Variants in VPS13A observed in about 807,000 individuals in gnomAD.
VPS13A encodes the protein vacuolar protein sorting 13 homolog A.
A neutral mutation model predicts 390.9 loss-of-function variants in VPS13A; 264 were observed. That is an observed-to-expected ratio of 0.68 (90% CI 0.61 to 0.75). The LOEUF is 0.75. Among genes scored for constraint, VPS13A ranks in the 30% least tolerant of loss-of-function variants. The pLI is 0.00. For synonymous variants in VPS13A, 1,231 were observed against 1,227.1 expected (o/e 1.00, Z -0.07); for missense variants, 3,409 against 3,733.9 (o/e 0.91, Z 2.27).
chr9:77,370,241 C>T lies in VPS13A; in HGVS notation c.8668-16C>T, dbSNP rs377057967. On this transcript the variant is annotated splice_polypyrimidine_tract_variant and intron_variant, in intron 63 of 71. Transcript: ENST00000360280. Reference sequence around the variant, plus strand: ...TATAACTCACTCACTCATTTATTTACTATTTGGCCCTTTAGGGAGCCATCC... The same window carrying T: ...TATAACTCACTCACTCATTTATTTATTATTTGGCCCTTTAGGGAGCCATCC... 75 of 1,613,580 alleles carry T rather than the reference C, an allele frequency of 4.6e-5. No individual in the cohort carries two copies. The highest frequency in any genetic ancestry group is 6.3e-5 in the Non-Finnish European group (74 of 1,179,712).
chr9:77,288,564 T>G (rs2131361683), intron 31 of VPS13A, among the ~76,000 whole-genome samples: 1 of 152,360 alleles, frequency 6.6e-6, no homozygotes, highest in African/African-American at 2.4e-5. Context: ...TTCTAAATAT[T>G]TTGAGATTTT....
intron 17 of VPS13A, among the ~76,000 whole-genome samples, chr9:77,235,614 T>C (rs1312845418): frequency 6.6e-6 from 1 of 152,188 alleles, no homozygotes; most frequent in African/African-American, 2.4e-5. Context: ...GGCCATTATT[T>C]CTCCCAGTAT....
At chr9:77,213,103 G>A in intron 8 of VPS13A, 75 bp downstream of exon 8, 2 of 1,566,784 alleles carry the variant, frequency 1.3e-6, no homozygotes. Flanking sequence ...ATATAGATAA[G>A]GATGTATGTG....
At chr9:77,353,130 A>C (rs1480607584) in intron 53 of VPS13A, among the ~76,000 whole-genome samples, 1 of 152,086 alleles carries the variant, frequency 6.6e-6, no homozygotes, top group African/African-American at 2.4e-5. Context: ...AGATTAGCCT[A>C]CGTGGGAAGG....
In VPS13A at chr9:77,238,087, GCAATGTCACTTTTC is replaced by G; in HGVS notation, c.1685_1698del (p.Met562AsnfsTer4). On this transcript the variant is annotated frameshift_variant, in exon 18 of 72. Transcript: ENST00000360280. LOFTEE classifies it high-confidence loss of function. ...CCGCCTCCTGTCTTCATTGGATGAT[GCAATGTCACTTTTC>G]CAAATTACATTTGAGATAAATCCAT... is the stretch of plus-strand genomic sequence containing the variant. The G allele has an allele frequency of 6.2e-7, 1 of 1,612,980 alleles. No individual in the cohort carries two copies. The highest frequency in any genetic ancestry group is 8.5e-7 in the Non-Finnish European group (1 of 1,179,282).
intron 68 of VPS13A, chr9:77,395,575 G>C (rs1392989524): frequency 6.6e-6 from 1 of 152,118 alleles, no homozygotes; most frequent in Non-Finnish European, 1.5e-5. Context: ...TTGATGCAGA[G>C]TTGCCATAAA....
chr9:77,294,800 G>T (rs575944306), intron 32 of VPS13A, among the ~76,000 whole-genome samples: 3 of 152,054 alleles, frequency 2.0e-5, no homozygotes, highest in Non-Finnish European at 4.4e-5. Flanking sequence ...AAACTCATGG[G>T]CACAAGCAAA....
chr9:77,243,363 G>A (rs138527544), intron 19 of VPS13A, among the ~76,000 whole-genome samples: 7 of 152,306 alleles, frequency 4.6e-5, no homozygotes, highest in Non-Finnish European at 8.8e-5. Flanking sequence ...TGAGGATCAT[G>A]TTATTGTGGT....
At chr9:77,258,183 A>G (rs1374769468) in intron 22 of VPS13A, among the ~76,000 whole-genome samples, 2 of 152,176 alleles carry the variant, frequency 1.3e-5, no homozygotes, top group African/African-American at 4.8e-5. Context: ...TCCCTTACAA[A>G]TATTCAGACC....
At chr9:77,285,219 T>C (rs141995126) in intron 31 of VPS13A, among the ~76,000 whole-genome samples, 9 of 152,314 alleles carry the variant, frequency 5.9e-5, no homozygotes, top group East Asian at 3.9e-4. Flanking sequence ...TTTGCCCTTA[T>C]GAAATCAGAC....
At position 77,395,315 on chromosome 9, in the gene VPS13A, T is replaced by C. The variant is rs142784760; in HGVS notation, c.9190-7921T>C. Among the ~76,000 whole-genome samples, 537 of 152,222 alleles carry C rather than the reference T, an allele frequency of 3.5e-3. 7 individuals are homozygous for C. The highest frequency in any genetic ancestry group is 0.012 in the African/African-American group (503 of 41,516). ...GGAGGCTCAAGGAGAGGGAGAGGAT[T>C]TGGGAAACGTCCAATCAGTGGGGCA... On this transcript the variant is annotated intron_variant, in intron 68 of 71. Coordinates refer to ENST00000360280, the MANE Select transcript of VPS13A (RefSeq NM_033305.3).
At chr9:77,312,809 A>T (rs1829165358) in intron 35 of VPS13A, among the ~76,000 whole-genome samples, 1 of 152,152 alleles carries the variant, frequency 6.6e-6, no homozygotes. Flanking sequence ...AGAATGTGGA[A>T]CAGCTGCAAT....
chr9:77,262,785 A>T (rs1350339966), intron 23 of VPS13A, among the ~76,000 whole-genome samples: 1 of 152,126 alleles, frequency 6.6e-6, no homozygotes, highest in African/African-American at 2.4e-5. Context: ...ATGGCTGCAT[A>T]GTAGTCTATG....
At chr9:77,337,928 A>G (rs1830621227) in intron 47 of VPS13A, 1 of 163,152 alleles carries the variant, frequency 6.1e-6, no homozygotes, top group Middle Eastern at 3.1e-3. Flanking sequence ...GTAGTTCTTC[A>G]TTGTCATCTA....
At chr9:77,358,640 G>T (rs1831952407) in intron 57 of VPS13A, among the ~76,000 whole-genome samples, 1 of 152,136 alleles carries the variant, frequency 6.6e-6, no homozygotes, top group Non-Finnish European at 1.5e-5. Context: ...AGAAAAGATT[G>T]ATTAGAAACA....
At chr9:77,227,284 A>C (rs1339821145) in intron 15 of VPS13A, 107 bp from the exon 16 acceptor site, 5 of 799,548 alleles carry the variant, frequency 6.3e-6, no homozygotes, top group Non-Finnish European at 6.2e-6. Context: ...ATTTCTTAAG[A>C]GCGTTCAAGA....
Position 77,321,630 on chromosome 9 carries a change from A to G in VPS13A, c.5714A>G (p.Lys1905Arg). The change falls in exon 44 of 72, where the codon AAA (lysine) becomes AGA (arginine). Residue 1905 changes from lysine to arginine, a missense_variant. Around this residue, in one of 5 missense-constraint regions of VPS13A, gnomAD observed 2,717 missense variants for 2,917.4 expected, o/e 0.93. Transcript: ENST00000360280. ...AGTGTACTCAACATTCCTATGGCAA[A>G]ATCATATGTATTGAAAAATGGAGAA... ...SFSVLNIPMA[K>R]SYVLKNGESL... The G allele has an allele frequency of 3.1e-6, 5 of 1,613,400 alleles. No individual in the cohort carries two copies. Among genetic ancestry groups the G allele is most frequent in the Non-Finnish European group, 4.2e-6 (5 of 1,179,590 alleles).
chr9:77,215,117 G>A (rs1326641681), intron 10 of VPS13A, among the ~76,000 whole-genome samples: 1 of 152,170 alleles, frequency 6.6e-6, no homozygotes, highest in Non-Finnish European at 1.5e-5. Flanking sequence ...TCCAGCCTGG[G>A]TGACAGAGTG....
intron 22 of VPS13A, among the ~76,000 whole-genome samples, chr9:77,254,324 T>A (rs943544692): frequency 1.3e-5 from 2 of 152,350 alleles, no homozygotes; most frequent in South Asian, 4.1e-4. Flanking sequence ...ATGGCCTTGG[T>A]ACCCTAGTTG....
Sources: allele counts gnomAD v4.1 joint callset (sites outside exome capture counted in the v4.1 genomes callset), GRCh38; gene constraint gnomAD v4.1.1; regional missense constraint gnomAD v4.1.1; transcripts MANE v1.5; gene names NCBI Gene and HGNC (gene_info 2026-07-23, HGNC 2026-07-21).